The following SHROOM2 variants were observed in gnomAD, a reference collection of about 807,000 sequenced individuals.
The protein encoded by SHROOM2 is shroom family member 2, also known as protein Shroom2.
In SHROOM2, 33 loss-of-function variants were observed where a neutral mutation model predicts 75.9. That is an observed-to-expected ratio of 0.43 (90% CI 0.33 to 0.58). The LOEUF (loss-of-function observed/expected upper bound fraction) is 0.58, where lower values mean the gene tolerates loss of function less well. SHROOM2 is among the 20% of genes least tolerant of loss of function. The probability of loss-of-function intolerance (pLI) is 0.04; values close to 1 mark genes in which losing one functional copy is unlikely to be tolerated. For missense variants in SHROOM2, 1,434 were observed against 1,461.2 expected (o/e 0.98, Z 0.30); for synonymous variants, 655 against 663.6 (o/e 0.99, Z 0.20).
At chrX:9,879,772 G>C (rs967478425) in intron 2 of SHROOM2, among the ~76,000 whole-genome samples, 10 of 99,956 alleles carry the variant, frequency 1.0e-4, no homozygotes, top group Non-Finnish European at 1.8e-4. Flanking sequence ...GTGTTGTTTT[G>C]GGGTCTCTGG....
intron 2 of SHROOM2, among the ~76,000 whole-genome samples, chrX:9,874,886 G>A (rs1348851110): frequency 9.3e-6 from 1 of 107,000 alleles, no homozygotes; most frequent in African/African-American, 3.4e-5. Flanking sequence ...ACCAGCCTGG[G>A]CAACATAGTG....
intron 5 of SHROOM2, among the ~76,000 whole-genome samples, chrX:9,910,703 G>A (rs2084418724): frequency 9.1e-6 from 1 of 110,323 alleles, no homozygotes; most frequent in Admixed American, 9.6e-5. Context: ...TGTAATCTCA[G>A]CTACTCGGGA....
intron 5 of SHROOM2, among the ~76,000 whole-genome samples, chrX:9,919,037 C>T (rs1008175585): frequency 1.8e-5 from 2 of 112,171 alleles, no homozygotes; most frequent in Non-Finnish European, 3.8e-5. Flanking sequence ...TCTCTCTTCC[C>T]TCCTCCCTTC....
intron 1 of SHROOM2, among the ~76,000 whole-genome samples, chrX:9,828,732 G>A (rs957552752): frequency 4.5e-5 from 5 of 111,019 alleles, no homozygotes; most frequent in African/African-American, 1.6e-4. Flanking sequence ...CCAAAGTGCT[G>A]GGATCACAGG....
intron 1 of SHROOM2, among the ~76,000 whole-genome samples, chrX:9,790,512 G>T (rs2083641871): frequency 9.0e-6 from 1 of 111,631 alleles, no homozygotes; most frequent in Non-Finnish European, 1.9e-5. Context: ...GTCAACATCT[G>T]CACGAGGGAG....
At chrX:9,870,680 C>T (rs944268665) in intron 1 of SHROOM2, among the ~76,000 whole-genome samples, 2 of 112,233 alleles carry the variant, frequency 1.8e-5, no homozygotes, top group African/African-American at 3.2e-5. Context: ...CTTTTCACCT[C>T]TTTGTAGTAA....
intron 1 of SHROOM2, among the ~76,000 whole-genome samples, chrX:9,837,313 CTAA>C (rs1253942667): frequency 8.9e-6 from 1 of 112,780 alleles, no homozygotes; most frequent in Non-Finnish European, 1.9e-5. Context: ...TTCAAAAAAT[CTAA>C]TAAGCCAAAT....
intron 1 of SHROOM2, among the ~76,000 whole-genome samples, chrX:9,871,669 T>C (rs1417790130): frequency 8.9e-6 from 1 of 112,092 alleles, no homozygotes; most frequent in Non-Finnish European, 1.9e-5. Context: ...TAGCAGTGAA[T>C]AATTGCTTTA....
chrX:9,805,760 A>T (rs1036534305), intron 1 of SHROOM2, among the ~76,000 whole-genome samples: 2 of 110,422 alleles, frequency 1.8e-5, no homozygotes, highest in East Asian at 5.7e-4. Flanking sequence ...ATGGGAGAAG[A>T]CTTGAGTTGG....
chrX:9,824,700 G>A (rs2083879200), intron 1 of SHROOM2, among the ~76,000 whole-genome samples: 1 of 111,867 alleles, frequency 8.9e-6, no homozygotes, highest in Non-Finnish European at 1.9e-5. Context: ...TGGAATGCAA[G>A]CCAGTGGATC....
chrX:9,921,481 A>G (rs182878090), intron 5 of SHROOM2, among the ~76,000 whole-genome samples: 3 of 110,141 alleles, frequency 2.7e-5, no homozygotes, highest in Non-Finnish European at 5.7e-5. Flanking sequence ...TGTCATTGAT[A>G]AGATCTACCC....
rs751552104 is a variant in SHROOM2, at chrX:9,786,451, C to G, written c.-95C>G. 78 of 694,903 alleles carry G rather than the reference C, an allele frequency of 1.1e-4. 1 individual carries two copies. The South Asian group carries it at 4.7e-3, about 42-fold the overall frequency. 57.3% of individuals were successfully genotyped at this position (694,903 alleles called of 1,213,427 possible). On this transcript the variant is annotated 5_prime_UTR_variant, in exon 1 of 10. Coordinates refer to ENST00000380913, the MANE Select transcript of SHROOM2 (RefSeq NM_001649.4). The stretch of plus-strand genomic sequence containing the variant: ...GGCACTTTCTTTCCAAGTTACGGCG[C>G]AAGTTCTGCGGCGCTCGGAGCCTCC...
intron 1 of SHROOM2, among the ~76,000 whole-genome samples, chrX:9,830,262 G>A (rs947369044): frequency 4.5e-5 from 5 of 111,860 alleles, no homozygotes; most frequent in African/African-American, 1.6e-4. Context: ...GCTCCCCTCT[G>A]CCCCTGGTAG....
chrX:9,937,379 C>T lies in SHROOM2; in HGVS notation c.3833C>T (p.Pro1278Leu), dbSNP rs748501801. ...AEPEAPHRAQ[P>L]AEPQPLGTQV... Reference sequence around the variant, plus strand: ...CCCGAGGCCCCACATAGGGCCCAGCCGGCTGAGCCCCAGCCCCTGGGCACC... The same window carrying T: ...CCCGAGGCCCCACATAGGGCCCAGCTGGCTGAGCCCCAGCCCCTGGGCACC... The change falls in exon 7 of 10, where the codon CCG (proline) becomes CTG (leucine). Residue 1278 changes from proline to leucine, a missense_variant. This residue lies in a region of SHROOM2 where 1,340 missense variants were observed against 1,338.3 expected (regional missense o/e 1.00). Coordinates refer to ENST00000380913, the MANE Select transcript of SHROOM2 (RefSeq NM_001649.4). The T allele has an allele frequency of 1.3e-5, 16 of 1,203,300 alleles. No homozygotes were observed. Among genetic ancestry groups the T allele is most frequent in the South Asian group, 1.8e-5 (1 of 55,795 alleles).
At chrX:9,931,994 G>C (rs1207137779) in intron 5 of SHROOM2, among the ~76,000 whole-genome samples, 181 bp from the exon 6 acceptor site, 1 of 110,577 alleles carries the variant, frequency 9.0e-6, no homozygotes, top group African/African-American at 3.3e-5. Context: ...CATGTTGTCT[G>C]AGGTGCGTCA....
intron 1 of SHROOM2, among the ~76,000 whole-genome samples, chrX:9,808,590 A>G (rs1295942362): frequency 9.1e-6 from 1 of 109,923 alleles, no homozygotes; most frequent in Admixed American, 9.8e-5. Context: ...GGTTGGGCGC[A>G]GTGGTTCACG....
At chrX:9,803,999 TCA>T (rs1478756781) in intron 1 of SHROOM2, among the ~76,000 whole-genome samples, 1 of 111,644 alleles carries the variant, frequency 9.0e-6, no homozygotes, top group Admixed American at 9.6e-5. Flanking sequence ...CTGTGGTCAC[TCA>T]CAGTGTCTGG....
intron 5 of SHROOM2, among the ~76,000 whole-genome samples, chrX:9,927,356 CAAAAAAAAAAAA>C (rs56344026): frequency 6.2e-4 from 15 of 24,376 alleles, no homozygotes; most frequent in East Asian, 2.3e-3. Context: ...TCTCTGTCTC[CAAAAAAAAAAAA>C]AAAAAAAAAA....
At chrX:9,869,901 C>T (rs1008360813) in intron 1 of SHROOM2, among the ~76,000 whole-genome samples, 5 of 111,143 alleles carry the variant, frequency 4.5e-5, no homozygotes, top group Non-Finnish European at 9.4e-5. Context: ...GTATCGATGT[C>T]CTTAGAAATT....
Sources: allele counts gnomAD v4.1 joint callset (sites outside exome capture counted in the v4.1 genomes callset), GRCh38; gene constraint gnomAD v4.1.1; regional missense constraint gnomAD v4.1.1; transcripts MANE v1.5; gene names NCBI Gene and HGNC (gene_info 2026-07-23, HGNC 2026-07-21).